Variants in IQCJ observed in about 807,000 individuals in gnomAD.
IQCJ encodes the protein IQ domain-containing protein J.
IQCJ carries 9 observed loss-of-function variants against 11.0 expected under a neutral mutation model. That is an observed-to-expected ratio of 0.82 (90% confidence interval 0.49 to 1.43). The LOEUF is 1.43. Ranked by LOEUF, IQCJ falls within the 40% of genes most tolerant of loss-of-function variation. IQCJ has a pLI of 0.00. For synonymous variants in IQCJ, 55 were observed against 51.3 expected (o/e 1.07, Z -0.31); for missense variants, 146 against 133.2 (o/e 1.10, Z -0.47).
intron 1 of IQCJ, among the ~76,000 whole-genome samples, chr3:159,079,058 A>G (rs1476993358): frequency 6.6e-6 from 1 of 152,104 alleles, no homozygotes; most frequent in Admixed American, 6.6e-5. Flanking sequence ...CTTGGAGGTG[A>G]CAGCCAGGAG....
rs569669339 is a variant in IQCJ at position 159,144,276 on chromosome 3, C to CT, written c.9+74838dup. Among the ~76,000 whole-genome samples, 88 of 152,258 alleles carry CT rather than the reference C, an allele frequency of 5.8e-4. No individual in the cohort carries two copies. The East Asian group carries it at 0.014, about 24-fold the overall frequency. On this transcript the variant is annotated intron_variant, in intron 1 of 3. Coordinates refer to ENST00000397832, the MANE Select transcript of IQCJ (RefSeq NM_001042706.3). ...AGGACTGAACCCAAGCCTCTTGAAC[C>CT]TTTGTTCTTACTATCCTTATGCAAT...
intron 1 of IQCJ, among the ~76,000 whole-genome samples, chr3:159,142,498 T>G (rs975079584): frequency 1.3e-5 from 2 of 152,030 alleles, no homozygotes; most frequent in East Asian, 3.9e-4. Flanking sequence ...CTCACTGCAA[T>G]GTCCACCTCC....
intron 1 of IQCJ, among the ~76,000 whole-genome samples, chr3:159,073,881 G>A (rs1715744539): frequency 6.6e-6 from 1 of 152,052 alleles, no homozygotes; most frequent in South Asian, 2.1e-4. Context: ...AGGAACATTA[G>A]AATTGTTTAT....
At chr3:159,078,041 C>A (rs971011852) in intron 1 of IQCJ, among the ~76,000 whole-genome samples, 1 of 107,836 alleles carries the variant, frequency 9.3e-6, no homozygotes, top group Admixed American at 9.6e-5. Flanking sequence ...TAAGGAAATA[C>A]CTTAACATCA....
At chr3:159,123,992 A>G (rs73027643) in intron 1 of IQCJ, among the ~76,000 whole-genome samples, 5,187 of 152,136 alleles carry the variant, frequency 0.034, 306 homozygotes, top group African/African-American at 0.12. Flanking sequence ...CAACCTCTTT[A>G]CACTCTTGCA....
At chr3:159,072,584 A>G (rs772966319) in intron 1 of IQCJ, among the ~76,000 whole-genome samples, 3 of 152,122 alleles carry the variant, frequency 2.0e-5, no homozygotes, top group Non-Finnish European at 2.9e-5. Context: ...CATTTCTCCT[A>G]TTTTGTTATG....
At chr3:159,075,425 C>T (rs1039602037) in intron 1 of IQCJ, among the ~76,000 whole-genome samples, 2 of 152,052 alleles carry the variant, frequency 1.3e-5, no homozygotes, top group African/African-American at 4.8e-5. Flanking sequence ...CAAGCTGTGA[C>T]AATCAAAAGA....
intron 1 of IQCJ, among the ~76,000 whole-genome samples, chr3:159,224,381 G>C (rs1725720415): frequency 6.6e-6 from 1 of 152,100 alleles, no homozygotes; most frequent in African/African-American, 2.4e-5. Context: ...CACCTTTGCA[G>C]GATAACAAAG....
At chr3:159,116,603 C>A (rs1719014604) in intron 1 of IQCJ, among the ~76,000 whole-genome samples, 1 of 115,786 alleles carries the variant, frequency 8.6e-6, no homozygotes, top group Non-Finnish European at 1.7e-5. Flanking sequence ...ATTTTAGCAT[C>A]CTGCTCATAT....
chr3:159,165,078 C>T (rs1163485571), intron 1 of IQCJ, among the ~76,000 whole-genome samples: 2 of 119,498 alleles, frequency 1.7e-5, no homozygotes, highest in Admixed American at 9.5e-5. Context: ...AAAAATGTAC[C>T]AAACTAAAAG....
intron 1 of IQCJ, among the ~76,000 whole-genome samples, chr3:159,129,048 CAAT>C (rs531932985): frequency 1.2e-4 from 18 of 152,014 alleles, no homozygotes; most frequent in Admixed American, 8.5e-4. Context: ...TCAACAACAA[CAAT>C]AACAACAAAT....
At chr3:159,090,669 A>C (rs972618070) in intron 1 of IQCJ, among the ~76,000 whole-genome samples, 1 of 151,810 alleles carries the variant, frequency 6.6e-6, no homozygotes, top group African/African-American at 2.4e-5. Flanking sequence ...AGGAGAAATG[A>C]GCTGAGTCCA....
At chr3:159,158,802 C>T (rs1266222119) in intron 1 of IQCJ, among the ~76,000 whole-genome samples, 3 of 152,184 alleles carry the variant, frequency 2.0e-5, no homozygotes, top group Non-Finnish European at 2.9e-5. Context: ...ACATCATTTA[C>T]ATTCATCATC....
intron 1 of IQCJ, among the ~76,000 whole-genome samples, chr3:159,177,247 C>T (rs1303949267): frequency 1.3e-5 from 2 of 152,144 alleles, no homozygotes; most frequent in Non-Finnish European, 2.9e-5. Flanking sequence ...AATTCCCACA[C>T]AATATAAGAA....
intron 2 of IQCJ, among the ~76,000 whole-genome samples, chr3:159,251,462 T>G (rs991015886): frequency 6.6e-6 from 1 of 151,710 alleles, no homozygotes; most frequent in Non-Finnish European, 1.5e-5. Flanking sequence ...ATCTACAGTG[T>G]GAAAAGCTTT....
chr3:159,085,208 G>A (rs375770970), intron 1 of IQCJ, among the ~76,000 whole-genome samples: 8 of 151,352 alleles, frequency 5.3e-5, no homozygotes, highest in East Asian at 2.0e-4. Context: ...GAGAATGATG[G>A]TTTCCAATTT....
chr3:159,137,256 C>T (rs1420101381), intron 1 of IQCJ, among the ~76,000 whole-genome samples: 1 of 144,768 alleles, frequency 6.9e-6, no homozygotes, highest in Non-Finnish European at 1.5e-5. Flanking sequence ...AGTGAGACTC[C>T]ATCTTGGAAA....
intron 1 of IQCJ, among the ~76,000 whole-genome samples, chr3:159,225,401 G>T (rs1274274513): frequency 1.3e-5 from 2 of 152,176 alleles, no homozygotes; most frequent in South Asian, 2.1e-4. Context: ...GGGTGGTTAT[G>T]GCTGTAAGGG....
At chr3:159,212,672 T>C (rs1725018759) in intron 1 of IQCJ, among the ~76,000 whole-genome samples, 1 of 152,236 alleles carries the variant, frequency 6.6e-6, no homozygotes, top group East Asian at 1.9e-4. Flanking sequence ...GCCCACTGTC[T>C]AGCTGAGTTC....
Sources: allele counts gnomAD v4.1 joint callset (sites outside exome capture counted in the v4.1 genomes callset), GRCh38; gene constraint gnomAD v4.1.1; transcripts MANE v1.5; gene names NCBI Gene and HGNC (gene_info 2026-07-23, HGNC 2026-07-21).